ARHGAP8: variants seen among roughly 807,000 people sequenced by gnomAD.
ARHGAP8 encodes rho GTPase-activating protein 8.
Under a neutral mutation model 46.1 loss-of-function variants are expected in ARHGAP8, and 62 were observed. That is an observed-to-expected ratio of 1.34 (90% confidence interval 1.10 to 1.66). The LOEUF (loss-of-function observed/expected upper bound fraction) is 1.66, where lower values mean the gene tolerates loss of function less well. Ranked by LOEUF, ARHGAP8 falls within the 40% of genes most tolerant of loss-of-function variation. The pLI is 0.00. For synonymous variants in ARHGAP8, 375 were observed against 243.1 expected (o/e 1.54, Z -5.05); for missense variants, 923 against 568.4 (o/e 1.62, Z -6.34).
rs5845671 is a variant in ARHGAP8 at position 44,802,985 on chromosome 22, CCTGCTG to C, written c.167+841_167+846del. On this transcript the variant is annotated intron_variant, in intron 3 of 11. Coordinates refer to ENST00000356099, the MANE Select transcript of ARHGAP8 (RefSeq NM_181335.3). ...TCAAACCCAGGACAGAAGACAAGGG[CCTGCTG>C]CTGCTGCTGCTGCTGCTGCCGCCAC... Among the ~76,000 whole-genome samples the C allele has an allele frequency of 9.8e-4, 148 of 151,336 alleles. 1 individual carries two copies. Among genetic ancestry groups the C allele is most frequent in the African/African-American group, 3.3e-3 (135 of 41,234 alleles).
chr22:44,765,266 G>C (rs1032746786), intron 1 of ARHGAP8: 1 of 152,432 alleles, frequency 6.6e-6, no homozygotes, highest in African/African-American at 2.4e-5. Context: ...GAATGCTGTA[G>C]CTGTGTCCCT....
At chr22:44,809,804 A>T (rs1308955259) in intron 4 of ARHGAP8, 1 of 152,544 alleles carries the variant, frequency 6.6e-6, no homozygotes, top group East Asian at 1.9e-4. Context: ...TCAAACCTGT[A>T]ACAGAAATCT....
intron 1 of ARHGAP8, among the ~76,000 whole-genome samples, chr22:44,775,942 C>T (rs1049838692): frequency 5.9e-5 from 9 of 152,172 alleles, no homozygotes; most frequent in Non-Finnish European, 8.8e-5. Context: ...TGTTTCAACT[C>T]GAGCTTTGCC....
intron 5 of ARHGAP8, among the ~76,000 whole-genome samples, chr22:44,819,022 A>T (rs1315750737): frequency 6.6e-6 from 1 of 151,580 alleles, no homozygotes; most frequent in Non-Finnish European, 1.5e-5. Context: ...CCAGGCAAAT[A>T]CTCAATGTTA....
chr22:44,820,880 G>GTGGGCTGAGCTT (rs564763526), intron 5 of ARHGAP8, among the ~76,000 whole-genome samples: 2 of 152,188 alleles, frequency 1.3e-5, no homozygotes, highest in East Asian at 1.9e-4. Context: ...GGACTGAGCT[G>GTGGGCTGAGCTT]TGGGCTGAGC....
chr22:44,844,160 C>T (rs533513276), intron 7 of ARHGAP8, among the ~76,000 whole-genome samples: 10 of 152,198 alleles, frequency 6.6e-5, no homozygotes, highest in African/African-American at 9.6e-5. Flanking sequence ...TTAGTAGAGA[C>T]GGGGTTTCAC....
chr22:44,822,274 G>A, intron 5 of ARHGAP8, 97 bp from the exon 6 acceptor site: 1 of 976,630 alleles, frequency 1.0e-6, no homozygotes, highest in Non-Finnish European at 1.5e-6. Context: ...AAAAATGCCT[G>A]CATTGTTCTG....
At chr22:44,832,947 C>A (rs998250785) in intron 7 of ARHGAP8, among the ~76,000 whole-genome samples, 1 of 151,272 alleles carries the variant, frequency 6.6e-6, no homozygotes, top group African/African-American at 2.4e-5. Flanking sequence ...GACAACATAG[C>A]AAGACCCTGT....
At chr22:44,781,975 C>T (rs1926876624) in intron 1 of ARHGAP8, among the ~76,000 whole-genome samples, 1 of 152,194 alleles carries the variant, frequency 6.6e-6, no homozygotes. Context: ...GATGGGATTA[C>T]AGGCATGCAC....
chr22:44,777,278 C>T (rs977985591), intron 1 of ARHGAP8: 1 of 152,018 alleles, frequency 6.6e-6, no homozygotes. Context: ...CAGACCCTGG[C>T]GGCTGACTCC....
At chr22:44,850,957 C>A (rs2070076528) in intron 10 of ARHGAP8, 1 of 111,998 alleles carries the variant, frequency 8.9e-6, no homozygotes, top group South Asian at 3.4e-4. Context: ...GAACAAGACT[C>A]CATCTCAAAA....
intron 10 of ARHGAP8, among the ~76,000 whole-genome samples, chr22:44,859,310 T>G (rs188523068): frequency 5.3e-5 from 8 of 152,028 alleles, no homozygotes; most frequent in Non-Finnish European, 1.5e-5. Flanking sequence ...GTCCTCGAGA[T>G]AGTGAGTTCT....
intron 2 of ARHGAP8, among the ~76,000 whole-genome samples, chr22:44,797,170 C>T (rs541474876): frequency 6.6e-6 from 1 of 151,612 alleles, no homozygotes; most frequent in East Asian, 1.9e-4. Flanking sequence ...GGCACATCCC[C>T]CAAGACTTGC....
intron 7 of ARHGAP8, among the ~76,000 whole-genome samples, chr22:44,832,452 C>G (rs1303004097): frequency 6.6e-6 from 1 of 152,082 alleles, no homozygotes; most frequent in Non-Finnish European, 1.5e-5. Context: ...TCTCAAACTC[C>G]TGACCTCTGG....
At chr22:44,794,892 T>A (rs1443779796) in intron 2 of ARHGAP8, among the ~76,000 whole-genome samples, 4 of 151,876 alleles carry the variant, frequency 2.6e-5, no homozygotes, top group South Asian at 2.1e-4. Context: ...TCTATTGATA[T>A]GAGCCAGGTG....
At chr22:44,756,696 A>T (rs1358221240) in intron 1 of ARHGAP8, among the ~76,000 whole-genome samples, 1 of 151,316 alleles carries the variant, frequency 6.6e-6, no homozygotes, top group African/African-American at 2.4e-5. Flanking sequence ...CCCAGACCTC[A>T]TGCTCCATAA....
chr22:44,817,144 C>T (rs1482003546), intron 5 of ARHGAP8, among the ~76,000 whole-genome samples: 2 of 152,154 alleles, frequency 1.3e-5, no homozygotes, highest in Non-Finnish European at 2.9e-5. Context: ...GCCTCGGCCT[C>T]CCAAAGTCCT....
chr22:44,794,984 T>G (rs1927970770), intron 2 of ARHGAP8, among the ~76,000 whole-genome samples: 1 of 147,170 alleles, frequency 6.8e-6, no homozygotes, highest in Non-Finnish European at 1.5e-5. Flanking sequence ...AAGGCTGCAG[T>G]AAGTTATGAT....
At chr22:44,767,734 G>A (rs1042372067) in intron 1 of ARHGAP8, among the ~76,000 whole-genome samples, 4 of 151,468 alleles carry the variant, frequency 2.6e-5, no homozygotes, top group Non-Finnish European at 5.9e-5. Context: ...TTAGCCGGGC[G>A]CAGAGGTGCG....
Sources: gnomAD v4.1 joint callset for allele counts (sites outside exome capture counted in the v4.1 genomes callset) on GRCh38, gnomAD v4.1.1 for gene constraint, MANE v1.5 for transcripts, NCBI Gene and HGNC (gene_info 2026-07-23, HGNC 2026-07-21) for gene names.